Variants in DMD observed in about 807,000 individuals in gnomAD.
DMD encodes mutant dystrophin.
Under a neutral mutation model 330.1 loss-of-function variants are expected in DMD, and 63 were observed. The observed-to-expected ratio is 0.19, with a 90% CI of 0.16 to 0.24. The LOEUF (loss-of-function observed/expected upper bound fraction) is 0.24. DMD is among the 10% of genes least tolerant of loss of function. The pLI, the probability that DMD is intolerant of heterozygous loss-of-function variation, is 1.00. For missense variants in DMD, 3,344 were observed against 2,684.1 expected (o/e 1.25, Z -5.43); for synonymous variants, 1,223 against 959.8 (o/e 1.27, Z -5.07).
chrX:31,961,950 G>A (rs930507081), intron 45 of DMD, among the ~76,000 whole-genome samples: 1 of 110,069 alleles, frequency 9.1e-6, no homozygotes, highest in Non-Finnish European at 1.9e-5. Flanking sequence ...GGAGAAGGTT[G>A]GTAGGAAGAA....
At chrX:32,781,075 G>A (rs2074698324) in intron 7 of DMD, among the ~76,000 whole-genome samples, 1 of 104,696 alleles carries the variant, frequency 9.6e-6, no homozygotes, top group Non-Finnish European at 2.0e-5. Flanking sequence ...CCGAGATCGC[G>A]CCACTGCACT....
At chrX:32,127,955 C>T (rs1218526449) in intron 44 of DMD, among the ~76,000 whole-genome samples, 1 of 112,054 alleles carries the variant, frequency 8.9e-6, no homozygotes, top group Non-Finnish European at 1.9e-5. Flanking sequence ...CTCAAGAATG[C>T]CAGTTATGTC....
At chrX:31,384,094 C>T (rs111482882) in intron 60 of DMD, among the ~76,000 whole-genome samples, 12 of 111,288 alleles carry the variant, frequency 1.1e-4, no homozygotes, top group African/African-American at 3.6e-4. Context: ...TCGCGGGCAC[C>T]CTCCTAGACA....
intron 73 of DMD, among the ~76,000 whole-genome samples, chrX:31,170,302 T>G (rs1279803449): frequency 3.6e-5 from 4 of 111,228 alleles, no homozygotes; most frequent in Non-Finnish European, 7.6e-5. Context: ...ATTTTTAAAT[T>G]TATACATAAT....
intron 1 of DMD, among the ~76,000 whole-genome samples, chrX:33,206,918 T>C (rs941411859): frequency 4.5e-5 from 5 of 110,260 alleles, no homozygotes; most frequent in African/African-American, 1.7e-4. Context: ...GTTTGTTACA[T>C]AGGTAAACTT....
intron 67 of DMD, among the ~76,000 whole-genome samples, chrX:31,192,728 A>G (rs1337298012): frequency 8.9e-6 from 1 of 112,268 alleles, no homozygotes; most frequent in African/African-American, 3.2e-5. Flanking sequence ...GAAACAGCTT[A>G]AGATTATCTA....
At chrX:31,375,115 G>A (rs1253179493) in intron 60 of DMD, among the ~76,000 whole-genome samples, 1 of 111,979 alleles carries the variant, frequency 8.9e-6, no homozygotes, top group Non-Finnish European at 1.9e-5. Context: ...GCTTGTGGGA[G>A]TTTTTTATAT....
intron 9 of DMD, among the ~76,000 whole-genome samples, chrX:32,690,070 CAAA>C (rs749874858): frequency 3.3e-5 from 3 of 92,145 alleles, no homozygotes; most frequent in African/African-American, 3.8e-5. Context: ...AATAATTAGG[CAAA>C]AAAAAAAAAG....
chrX:33,217,893 A>G (rs753547604), intron 1 of DMD, among the ~76,000 whole-genome samples: 54 of 111,363 alleles, frequency 4.8e-4, no homozygotes, highest in Non-Finnish European at 8.3e-4. Flanking sequence ...GAGACAGTAT[A>G]ACTTTTCCTT....
At chrX:32,494,401 A>G (rs2043287497) in intron 19 of DMD, among the ~76,000 whole-genome samples, 1 of 111,192 alleles carries the variant, frequency 9.0e-6, no homozygotes, top group South Asian at 3.8e-4. Flanking sequence ...AAAAAGGGGG[A>G]GGCAGGCAGA....
At chrX:33,005,321 A>C (rs5972732) in intron 2 of DMD, among the ~76,000 whole-genome samples, 41,862 of 106,679 alleles carry the variant, frequency 0.39, 6,531 homozygotes, top group East Asian at 0.47. Context: ...ATATGTCAAC[A>C]AAATTATTCA....
chrX:31,602,695 A>T (rs1374682356), intron 55 of DMD, among the ~76,000 whole-genome samples: 1 of 111,810 alleles, frequency 8.9e-6, no homozygotes, highest in Non-Finnish European at 1.9e-5. Flanking sequence ...TGAATCTGGA[A>T]GGGGGAGCAA....
intron 7 of DMD, among the ~76,000 whole-genome samples, chrX:32,739,945 A>C (rs1431700828): frequency 9.1e-6 from 1 of 110,254 alleles, no homozygotes; most frequent in African/African-American, 3.3e-5. Context: ...CCCTTGTTTT[A>C]AGGGATGTGG....
intron 64 of DMD, among the ~76,000 whole-genome samples, chrX:31,216,531 C>A (rs2045423811): frequency 8.9e-6 from 1 of 112,326 alleles, no homozygotes; most frequent in Non-Finnish European, 1.9e-5. Context: ...AAAAATAATA[C>A]ATGGTATATA....
chrX:31,606,876 G>A (rs893004312), intron 55 of DMD, among the ~76,000 whole-genome samples: 1 of 111,659 alleles, frequency 9.0e-6, no homozygotes, highest in African/African-American at 3.3e-5. Context: ...AAGAACTCTG[G>A]TATATAAATC....
At chrX:32,668,528 T>A (rs768837846) in intron 9 of DMD, among the ~76,000 whole-genome samples, 7 of 112,238 alleles carry the variant, frequency 6.2e-5, no homozygotes, top group Non-Finnish European at 1.3e-4. Context: ...CACACATTGC[T>A]GTAGAAGGTG....
At chrX:31,487,536 T>C (rs2068914151) in intron 57 of DMD, among the ~76,000 whole-genome samples, 1 of 112,098 alleles carries the variant, frequency 8.9e-6, no homozygotes, top group Non-Finnish European at 1.9e-5. Flanking sequence ...CAAATCGGTA[T>C]TGTTAACTAT....
intron 9 of DMD, among the ~76,000 whole-genome samples, chrX:32,683,464 T>G (rs763738264): frequency 7.5e-4 from 81 of 108,539 alleles, no homozygotes; most frequent in African/African-American, 2.5e-3. Flanking sequence ...TATGCAGCCA[T>G]AAAAAAGGAT....
chrX:31,153,547 TC>T (rs1176612423), intron 74 of DMD, among the ~76,000 whole-genome samples: 7 of 111,599 alleles, frequency 6.3e-5, no homozygotes, highest in Non-Finnish European at 1.1e-4. Flanking sequence ...TTTTCATTTT[TC>T]ACTCCATATA....
Sources: allele counts gnomAD v4.1 joint callset (sites outside exome capture counted in the v4.1 genomes callset), GRCh38; gene constraint gnomAD v4.1.1; transcripts MANE v1.5; gene names NCBI Gene and HGNC (gene_info 2026-07-23, HGNC 2026-07-21).